The following MAEL variants were observed in gnomAD, a reference collection of about 807,000 sequenced individuals.
MAEL encodes maelstrom spermatogenic transposon silencer.
MAEL carries 46 observed loss-of-function variants against 62.0 expected under a neutral mutation model. That is an observed-to-expected ratio of 0.74 (90% CI 0.59 to 0.95). MAEL has a LOEUF of 0.95. MAEL is among the 40% of genes least tolerant of loss of function. The pLI is 0.00. For missense variants in MAEL, 497 were observed against 526.8 expected (o/e 0.94, Z 0.55); for synonymous variants, 172 against 175.5 (o/e 0.98, Z 0.16).
At chr1:167,013,365 C>G (rs141466588) in intron 8 of MAEL, among the ~76,000 whole-genome samples, 3 of 152,144 alleles carry the variant, frequency 2.0e-5, no homozygotes, top group Non-Finnish European at 4.4e-5. Context: ...AAAATGTGGG[C>G]AGAGGCTTTT....
At chr1:166,983,711 A>T (rs1663830115) in intron 1 of MAEL, among the ~76,000 whole-genome samples, 1 of 152,144 alleles carries the variant, frequency 6.6e-6, no homozygotes, top group South Asian at 2.1e-4. Context: ...AATCAATTTT[A>T]TCAAAGAAGG....
At chr1:166,980,174 T>G (rs1663716998) in intron 1 of MAEL, among the ~76,000 whole-genome samples, 1 of 152,032 alleles carries the variant, frequency 6.6e-6, no homozygotes, top group Non-Finnish European at 1.5e-5. Context: ...CATGCCACCA[T>G]GCCCAGCTAA....
At chr1:167,000,935 A>G (rs1664633649) in intron 5 of MAEL, among the ~76,000 whole-genome samples, 1 of 152,278 alleles carries the variant, frequency 6.6e-6, no homozygotes, top group South Asian at 2.1e-4. Flanking sequence ...TCATACGAAA[A>G]GGATAACTTG....
chr1:167,020,227 C>T (rs1312131724), intron 10 of MAEL, among the ~76,000 whole-genome samples: 1 of 152,090 alleles, frequency 6.6e-6, no homozygotes, highest in African/African-American at 2.4e-5. Context: ...CTACTCTTCA[C>T]CTCCTTCCTT....
chr1:167,019,159 AT>A (rs1665515860), intron 10 of MAEL, among the ~76,000 whole-genome samples: 2 of 152,104 alleles, frequency 1.3e-5, no homozygotes, highest in South Asian at 4.1e-4. Context: ...TGGTTGTCAC[AT>A]CTGGGGAGGG....
intron 5 of MAEL, among the ~76,000 whole-genome samples, chr1:167,003,614 TC>T (rs1664769595): frequency 6.6e-6 from 1 of 152,212 alleles, no homozygotes; most frequent in South Asian, 2.1e-4. Context: ...AGGAAAAACT[TC>T]CCTAAAGCTA....
At chr1:167,001,128 T>TC (rs1185288493) in intron 5 of MAEL, among the ~76,000 whole-genome samples, 1 of 152,156 alleles carries the variant, frequency 6.6e-6, no homozygotes, top group African/African-American at 2.4e-5. Context: ...TGGATGGGAT[T>TC]GGAGACTGTT....
intron 5 of MAEL, among the ~76,000 whole-genome samples, chr1:166,999,698 G>T (rs569591803): frequency 6.6e-6 from 1 of 152,322 alleles, no homozygotes; most frequent in African/African-American, 2.4e-5. Context: ...GACACCATCT[G>T]GGAGTTTCAT....
chr1:167,018,369 T>C (rs1665482796), intron 10 of MAEL, among the ~76,000 whole-genome samples: 1 of 152,054 alleles, frequency 6.6e-6, no homozygotes, highest in Non-Finnish European at 1.5e-5. Flanking sequence ...CCCTGCCGTT[T>C]ACTTATTAGT....
chr1:166,989,349 T>G lies in MAEL; in HGVS notation c.-4T>G, dbSNP rs1391334296. The G allele has an allele frequency of 1.2e-6, 2 of 1,608,714 alleles. No individual in the cohort carries two copies. The highest frequency in any genetic ancestry group is 8.5e-7 in the Non-Finnish European group (1 of 1,177,806). On this transcript the variant is annotated 5_prime_UTR_variant, in exon 1 of 12. Coordinates refer to ENST00000367872, the MANE Select transcript of MAEL (RefSeq NM_032858.3). ...CTGAGGCCAGGAAGTTTGACCGCGC[T>G]GCCATGCCGAACCGTAAGGCCAGCC...
At chr1:166,987,871 C>G, upstream of MAEL, among the ~76,000 whole-genome samples, 1 of 152,134 alleles carries the variant, frequency 6.6e-6, no homozygotes, top group African/African-American at 2.4e-5. Context: ...TATCTGAACA[C>G]AACCCTGATA....
upstream of MAEL, among the ~76,000 whole-genome samples, chr1:166,986,771 AGAAG>A (rs1166741252): frequency 7.2e-5 from 11 of 152,338 alleles, no homozygotes; most frequent in East Asian, 2.1e-3. Flanking sequence ...TGAAGTAGAA[AGAAG>A]GAATTAATAA....
chr1:166,995,536 G>T (rs1664389981), intron 5 of MAEL, among the ~76,000 whole-genome samples: 1 of 152,044 alleles, frequency 6.6e-6, no homozygotes, highest in African/African-American at 2.4e-5. Flanking sequence ...CACCGTGCTT[G>T]GCAGTAGTTC....
chr1:166,990,091 A>C (rs1411900364), intron 2 of MAEL: 7 of 308,848 alleles, frequency 2.3e-5, no homozygotes, highest in African/African-American at 2.2e-5. Flanking sequence ...TAGACAATAC[A>C]CTTTGATCGC....
intron 8 of MAEL, among the ~76,000 whole-genome samples, chr1:167,008,584 T>C (rs1665030525): frequency 6.6e-6 from 1 of 152,038 alleles, no homozygotes; most frequent in African/African-American, 2.4e-5. Flanking sequence ...TTCTATTCTC[T>C]TCCTAATTAA....
At chr1:167,020,032 C>CA (rs1200150581) in intron 10 of MAEL, among the ~76,000 whole-genome samples, 5 of 152,202 alleles carry the variant, frequency 3.3e-5, no homozygotes, top group Admixed American at 3.3e-4. Flanking sequence ...ATCCCCCTCT[C>CA]AGACTACCAC....
At chr1:167,012,596 G>A (rs979191677) in intron 8 of MAEL, 3 of 152,180 alleles carry the variant, frequency 2.0e-5, no homozygotes, top group African/African-American at 7.2e-5. Flanking sequence ...AAAGAAAATG[G>A]TAATTTTAGC....
chr1:166,992,174 G>A (rs187458269), intron 3 of MAEL, among the ~76,000 whole-genome samples: 50 of 152,214 alleles, frequency 3.3e-4, no homozygotes, highest in African/African-American at 1.1e-3. Context: ...AGTCTTAAAT[G>A]TGTCCAGTCT....
chr1:167,007,553 ATGTT>A (rs1360307985), intron 8 of MAEL, among the ~76,000 whole-genome samples: 1 of 121,814 alleles, frequency 8.2e-6, no homozygotes, highest in East Asian at 2.3e-4. Context: ...TAGGAAATAT[ATGTT>A]TGTGTGTGTG....
Sources: gnomAD v4.1 joint callset for allele counts (sites outside exome capture counted in the v4.1 genomes callset) on GRCh38, gnomAD v4.1.1 for gene constraint, MANE v1.5 for transcripts, NCBI Gene and HGNC (gene_info 2026-07-23, HGNC 2026-07-21) for gene names.